Variants in ERG observed in about 807,000 individuals in gnomAD.
ERG encodes the protein transcriptional regulator ERG.
In ERG, 9 loss-of-function variants were observed where a neutral mutation model predicts 55.3. The ratio of observed to expected loss-of-function variants is 0.16; its 90% CI spans 0.10 to 0.28. The LOEUF is 0.28. ERG is among the 10% of genes least tolerant of loss of function. The pLI is 1.00. For synonymous variants in ERG, 223 were observed against 237.3 expected, an observed-to-expected ratio of 0.94 and a Z score of 0.55; for missense variants, 434 against 631.6, an observed-to-expected ratio of 0.69 and a Z score of 3.35.
At chr21:38,477,923 A>G (rs1158700375) in intron 1 of ERG, among the ~76,000 whole-genome samples, 1 of 152,264 alleles carries the variant, frequency 6.6e-6, no homozygotes, top group Non-Finnish European at 1.5e-5. Context: ...AAACAAATTT[A>G]TCTCCCCAAG....
At chr21:38,657,358 A>G (rs1368769341) in intron 1 of ERG, among the ~76,000 whole-genome samples, 1 of 152,210 alleles carries the variant, frequency 6.6e-6, no homozygotes, top group African/African-American at 2.4e-5. Context: ...CCCTAAAAAT[A>G]GGAGAACTTA....
At chr21:38,418,454 G>C (rs1989384685) in intron 3 of ERG, among the ~76,000 whole-genome samples, 1 of 152,056 alleles carries the variant, frequency 6.6e-6, no homozygotes, top group Non-Finnish European at 1.5e-5. Context: ...CCTGGCTAAT[G>C]TTAAAATTTT....
At chr21:38,601,221 C>A (rs1460971874) in intron 1 of ERG, among the ~76,000 whole-genome samples, 1 of 152,144 alleles carries the variant, frequency 6.6e-6, no homozygotes. Context: ...AGGCAGGAAT[C>A]CCACCTAATG....
chr21:38,598,053 G>A (rs1048156016), intron 1 of ERG, among the ~76,000 whole-genome samples: 40 of 152,268 alleles, frequency 2.6e-4, no homozygotes, highest in Admixed American at 7.8e-4. Context: ...GGGCTCCCTA[G>A]ATGGAGTTAA....
intron 1 of ERG, among the ~76,000 whole-genome samples, chr21:38,474,954 A>G (rs2059174225): frequency 6.6e-6 from 1 of 152,186 alleles, no homozygotes; most frequent in African/African-American, 2.4e-5. Flanking sequence ...AGACATGCAC[A>G]TGTGAATTAA....
chr21:38,536,152 G>A (rs1254379570), intron 2 of ERG, among the ~76,000 whole-genome samples: 1 of 152,064 alleles, frequency 6.6e-6, no homozygotes, highest in African/African-American at 2.4e-5. Context: ...TTGCTGGTAA[G>A]TTACCCCTAA....
rs71330329 is a variant in ERG at position 38,409,488 on chromosome 21, T to TAAAAA, written c.389-5784_389-5780dup. 3.0e-4 allele frequency among the ~76,000 whole-genome samples: 24 copies of TAAAAA among 79,508 alleles called. 1 individual carries two copies. The highest frequency in any genetic ancestry group is 1.1e-3 in the African/African-American group (22 of 19,404). 52.2% of individuals were successfully genotyped at this position (79,508 alleles called of 152,430 possible). A position where few individuals can be genotyped will look rare whatever the true frequency, so the allele number is the denominator to read the frequency against. On this transcript the variant is annotated intron_variant, in intron 3 of 9. Coordinates refer to ENST00000288319, the MANE Select transcript of ERG (RefSeq NM_182918.4). ...GCAACAAGAGCGAAACTCCGTCTCA[T>TAAAAA]AAAAAAAAAAAAAAAAAAAAAAAGA...
At chr21:38,492,819 T>C (rs982822434) in intron 1 of ERG, among the ~76,000 whole-genome samples, 1 of 151,564 alleles carries the variant, frequency 6.6e-6, no homozygotes, top group Non-Finnish European at 1.5e-5. Context: ...AAAGTATAAA[T>C]AAGAAAAAAA....
intron 2 of ERG, among the ~76,000 whole-genome samples, chr21:38,531,978 T>C (rs1170436850): frequency 2.6e-5 from 4 of 152,128 alleles, no homozygotes; most frequent in Admixed American, 1.3e-4. Context: ...AAAATAAAAC[T>C]GACAGAAGAA....
chr21:38,575,272 T>C (rs1427016136), intron 2 of ERG, among the ~76,000 whole-genome samples: 2 of 152,208 alleles, frequency 1.3e-5, no homozygotes, highest in African/African-American at 4.8e-5. Flanking sequence ...AATTTGGATG[T>C]GATTTCATAT....
chr21:38,628,755 T>C (rs2060339848), intron 1 of ERG, among the ~76,000 whole-genome samples: 1 of 152,180 alleles, frequency 6.6e-6, no homozygotes, highest in Non-Finnish European at 1.5e-5. Context: ...AATCACACCT[T>C]TCGTGCTCCA....
intron 1 of ERG, among the ~76,000 whole-genome samples, chr21:38,591,718 C>T (rs2060101294): frequency 6.6e-6 from 1 of 152,026 alleles, no homozygotes; most frequent in African/African-American, 2.4e-5. Context: ...ACAAACAAAA[C>T]CAAAAAAACA....
chr21:38,399,130 C>G (rs1988369120), intron 6 of ERG, among the ~76,000 whole-genome samples: 1 of 152,172 alleles, frequency 6.6e-6, no homozygotes. Context: ...GGGTCTTGCC[C>G]ATGTTTCAAT....
intron 2 of ERG, among the ~76,000 whole-genome samples, chr21:38,545,054 T>C (rs1175946645): frequency 1.3e-5 from 2 of 152,178 alleles, no homozygotes; most frequent in Non-Finnish European, 2.9e-5. Flanking sequence ...TGTCTGTCTC[T>C]ACCACAAATC....
upstream of ERG, among the ~76,000 whole-genome samples, chr21:38,501,412 C>T (rs2059420443): frequency 6.6e-6 from 1 of 152,020 alleles, no homozygotes; most frequent in African/African-American, 2.4e-5. Context: ...AAACCGTTTC[C>T]CAAATATTAT....
intron 2 of ERG, among the ~76,000 whole-genome samples, chr21:38,552,803 T>G (rs2059832367): frequency 6.9e-6 from 1 of 144,482 alleles, no homozygotes; most frequent in Admixed American, 7.1e-5. Context: ...CCACTCTTAG[T>G]CAATATAGTA....
intron 1 of ERG, among the ~76,000 whole-genome samples, chr21:38,594,496 G>T (rs570064303): frequency 6.6e-6 from 1 of 152,054 alleles, no homozygotes; most frequent in South Asian, 2.1e-4. Context: ...GCTGTGGACG[G>T]GGCCATATGG....
upstream of ERG, among the ~76,000 whole-genome samples, chr21:38,500,919 G>A (rs2059415908): frequency 6.6e-6 from 1 of 152,068 alleles, no homozygotes; most frequent in South Asian, 2.1e-4. Flanking sequence ...ATGACAAAAT[G>A]TTTGATTGAT....
chr21:38,539,540 CTT>C (rs1295791820), intron 2 of ERG, among the ~76,000 whole-genome samples: 2 of 152,000 alleles, frequency 1.3e-5, no homozygotes, highest in Admixed American at 6.6e-5. Context: ...ATAAATATAA[CTT>C]TGAGTTATTT....
Sources: allele counts gnomAD v4.1 joint callset (sites outside exome capture counted in the v4.1 genomes callset), GRCh38; gene constraint gnomAD v4.1.1; transcripts MANE v1.5; gene names NCBI Gene and HGNC (gene_info 2026-07-23, HGNC 2026-07-21).